The following UBE2E2 variants were observed in gnomAD, a reference collection of about 807,000 sequenced individuals.
UBE2E2 encodes ubiquitin-conjugating enzyme E2 E2.
A neutral mutation model predicts 24.7 loss-of-function variants in UBE2E2; 6 were observed. That is an observed-to-expected ratio of 0.24 (90% CI 0.13 to 0.48). UBE2E2 has a LOEUF of 0.48. Ranked by LOEUF, UBE2E2 falls within the 20% of genes least tolerant of loss-of-function variation. UBE2E2 has a pLI of 0.99. For missense variants in UBE2E2, 169 were observed against 245.0 expected (o/e 0.69, Z 2.07); for synonymous variants, 104 against 83.6 (o/e 1.24, Z -1.33).
At chr3:23,496,361 A>G (rs1039103611) in intron 3 of UBE2E2, among the ~76,000 whole-genome samples, 5 of 152,176 alleles carry the variant, frequency 3.3e-5, no homozygotes, top group Admixed American at 6.5e-5. Flanking sequence ...GAGAAGTGAA[A>G]CATACCCAGA....
intron 4 of UBE2E2, among the ~76,000 whole-genome samples, chr3:23,515,011 C>T (rs1694696446): frequency 6.6e-6 from 1 of 152,076 alleles, no homozygotes; most frequent in Non-Finnish European, 1.5e-5. Context: ...TCATTTCCAT[C>T]ATCTCTGAAC....
At chr3:23,473,462 G>T (rs1430475432) in intron 3 of UBE2E2, among the ~76,000 whole-genome samples, 1 of 150,180 alleles carries the variant, frequency 6.7e-6, no homozygotes, top group Non-Finnish European at 1.5e-5. Flanking sequence ...GGTTTTTGGG[G>T]AACAGGTGGT....
intron 3 of UBE2E2, among the ~76,000 whole-genome samples, chr3:23,449,317 TA>T (rs1183841823): frequency 6.6e-6 from 1 of 152,210 alleles, no homozygotes; most frequent in Non-Finnish European, 1.5e-5. Context: ...TTTTGGAGAA[TA>T]AAACAACAGA....
rs142709768 is a variant in UBE2E2, at chr3:23,441,722, A to G, written c.228-57886A>G. On this transcript the variant is annotated intron_variant, in intron 3 of 5. Transcript: ENST00000396703. ...CTGTCTCATCTTTAAGTTATAGCGT[A>G]TTCAGTATTGCTTTATGCTATTATT... Among the ~76,000 whole-genome samples, 727 of 152,260 alleles carry G rather than the reference A, an allele frequency of 4.8e-3. 4 individuals are homozygous for G. The highest frequency in any genetic ancestry group is 8.0e-3 in the Non-Finnish European group (541 of 68,026).
chr3:23,217,385 A>G, intron 3 of UBE2E2, 73 bp downstream of exon 3: 1 of 1,359,182 alleles, frequency 7.4e-7, no homozygotes, highest in South Asian at 1.2e-5. Context: ...TTTTATATGC[A>G]GCTGTTGTTG....
At chr3:23,373,937 G>A (rs78030022) in intron 3 of UBE2E2, among the ~76,000 whole-genome samples, 2,289 of 152,146 alleles carry the variant, frequency 0.015, 54 homozygotes, top group African/African-American at 0.052. Flanking sequence ...TAAAAATATC[G>A]TAAATGCAAA....
chr3:23,411,128 T>C (rs1035086694), intron 3 of UBE2E2, among the ~76,000 whole-genome samples: 3 of 152,106 alleles, frequency 2.0e-5, no homozygotes, highest in Non-Finnish European at 4.4e-5. Flanking sequence ...GGCAAGACAA[T>C]GTCTGTTCCA....
intron 3 of UBE2E2, among the ~76,000 whole-genome samples, chr3:23,437,375 C>G (rs1354293005): frequency 6.6e-6 from 1 of 152,110 alleles, no homozygotes; most frequent in Non-Finnish European, 1.5e-5. Context: ...TGTAATTTTT[C>G]CAAGATGTTT....
chr3:23,485,496 G>C (rs895014137), intron 3 of UBE2E2, among the ~76,000 whole-genome samples: 1 of 152,022 alleles, frequency 6.6e-6, no homozygotes, highest in Non-Finnish European at 1.5e-5. Context: ...TTCTTGAACA[G>C]GTCTGACATT....
intron 4 of UBE2E2, among the ~76,000 whole-genome samples, chr3:23,513,944 C>CT (rs1417272035): frequency 6.6e-6 from 1 of 152,178 alleles, no homozygotes; most frequent in Non-Finnish European, 1.5e-5. Flanking sequence ...TTAACAGTCT[C>CT]TAAGTTTCCT....
chr3:23,224,336 C>A (rs193256383), intron 3 of UBE2E2, among the ~76,000 whole-genome samples: 4 of 151,712 alleles, frequency 2.6e-5, no homozygotes, highest in South Asian at 2.1e-4. Context: ...CTATTTATTT[C>A]ATCAGTTTTA....
chr3:23,224,009 C>G (rs148746905), intron 3 of UBE2E2, among the ~76,000 whole-genome samples: 1 of 152,100 alleles, frequency 6.6e-6, no homozygotes, highest in Admixed American at 6.6e-5. Flanking sequence ...ATCCATGTGT[C>G]TGTTTTTATG....
chr3:23,539,236 A>G (rs1181694740), intron 5 of UBE2E2, among the ~76,000 whole-genome samples: 1 of 152,184 alleles, frequency 6.6e-6, no homozygotes. Flanking sequence ...TCCTCCTCAA[A>G]CATCCAATTT....
intron 3 of UBE2E2, among the ~76,000 whole-genome samples, chr3:23,466,638 G>A (rs1339146557): frequency 6.6e-6 from 1 of 152,062 alleles, no homozygotes; most frequent in Admixed American, 6.5e-5. Flanking sequence ...TGCAATCTCA[G>A]TTCACTGCAA....
chr3:23,232,755 T>C (rs768306297), intron 3 of UBE2E2, among the ~76,000 whole-genome samples: 5 of 152,230 alleles, frequency 3.3e-5, no homozygotes, highest in Admixed American at 1.3e-4. Flanking sequence ...ATACATTGTT[T>C]CATTTATAAT....
chr3:23,265,474 G>A (rs1019838366), intron 3 of UBE2E2, among the ~76,000 whole-genome samples: 3 of 152,116 alleles, frequency 2.0e-5, no homozygotes, highest in African/African-American at 7.2e-5. Flanking sequence ...TCTAAATAAG[G>A]CCTGCTGAAG....
chr3:23,219,857 G>T (rs1436924610), intron 3 of UBE2E2, among the ~76,000 whole-genome samples: 1 of 152,164 alleles, frequency 6.6e-6, no homozygotes, highest in Non-Finnish European at 1.5e-5. Flanking sequence ...TTTTTCTACT[G>T]GTTGTCTGGG....
At chr3:23,320,666 T>G (rs1694715857) in intron 3 of UBE2E2, among the ~76,000 whole-genome samples, 1 of 152,256 alleles carries the variant, frequency 6.6e-6, no homozygotes, top group African/African-American at 2.4e-5. Flanking sequence ...CAAGGGCTTG[T>G]AGCACAGAAC....
rs575638593 is a variant in UBE2E2, at chr3:23,417,896, G to A, written c.228-81712G>A. On this transcript the variant is annotated intron_variant, in intron 3 of 5. Coordinates refer to ENST00000396703, the MANE Select transcript of UBE2E2 (RefSeq NM_152653.4). ...CCTACTAAAGCCTCAATAATGGCGG[G>A]TGTCCCTCCCGTGCCCAAGGTCCAG... Among the ~76,000 whole-genome samples, 11 of 152,270 alleles carry A rather than the reference G, an allele frequency of 7.2e-5. No homozygotes were observed. The South Asian group carries it at 1.0e-3, about 14-fold the overall frequency.
Sources: gnomAD v4.1 joint callset for allele counts (sites outside exome capture counted in the v4.1 genomes callset) on GRCh38, gnomAD v4.1.1 for gene constraint, MANE v1.5 for transcripts, NCBI Gene and HGNC (gene_info 2026-07-23, HGNC 2026-07-21) for gene names.